INPP5D: variants seen among roughly 807,000 people sequenced by gnomAD.
The protein encoded by INPP5D is phosphatidylinositol 3,4,5-trisphosphate 5-phosphatase 1.
A neutral mutation model predicts 122.9 loss-of-function variants in INPP5D; 33 were observed. The observed-to-expected ratio is 0.27, with a 90% CI of 0.20 to 0.36. INPP5D has a LOEUF of 0.36. INPP5D is among the 10% of genes least tolerant of loss of function. The pLI, the probability that INPP5D is intolerant of heterozygous loss-of-function variation, is 1.00. For synonymous variants in INPP5D, 584 were observed against 576.2 expected, an observed-to-expected ratio of 1.01 and a Z score of -0.19; for missense variants, 1,053 against 1,412.7, an observed-to-expected ratio of 0.75 and a Z score of 4.08.
chr2:233,072,052 A>G (rs1301912092), intron 1 of INPP5D, among the ~76,000 whole-genome samples: 2 of 152,232 alleles, frequency 1.3e-5, no homozygotes, highest in African/African-American at 4.8e-5. Flanking sequence ...ACAGTGGGGA[A>G]TATTGGAAAA....
In INPP5D at chr2:233,198,305, G is replaced by T; in HGVS notation, c.2904G>T (p.Pro968=). Residue 968 remains proline (P), a synonymous_variant, in exon 25 of 27, where the codon CCG becomes CCT. Transcript: ENST00000445964. ...GESPPTPPGQ[P]PISPKKFLPS... is the part of the protein sequence containing the mutation. ...GTCCTCCGACACCTCCCGGCCAGCCGCCCATATCACCCAAGAAGTTTTTAC... is the reference window on the plus strand; with the variant it reads ...GTCCTCCGACACCTCCCGGCCAGCCTCCCATATCACCCAAGAAGTTTTTAC... The T allele has an allele frequency of 6.2e-7, 1 of 1,613,582 alleles. No individual in the cohort carries two copies. The highest frequency in any genetic ancestry group is 8.5e-7 in the Non-Finnish European group (1 of 1,179,890).
chr2:233,169,486 G>T (rs1559331575), intron 14 of INPP5D, 85 bp downstream of exon 14: 2 of 1,532,194 alleles, frequency 1.3e-6, no homozygotes, highest in Non-Finnish European at 1.8e-6. Flanking sequence ...AGAAGGACCT[G>T]CTCAGCTCCT....
At position 233,171,117 on chromosome 2, in the gene INPP5D, G is replaced by A; in HGVS notation, c.1954G>A (p.Asp652Asn). ...CTACCGTTTTGAGAGACTGACTCGGGACAAATACGCCTACACCAAGCAGAA... is the reference window on the plus strand; with the variant it reads ...CTACCGTTTTGAGAGACTGACTCGGAACAAATACGCCTACACCAAGCAGAA... ...PTYRFERLTR[D>N]KYAYTKQKAT... is the part of the protein sequence containing the mutation. The change falls in exon 17 of 27, where the codon GAC becomes AAC. Residue 652 changes from aspartate (D) to asparagine (N), a missense_variant. Transcript: ENST00000445964. 1 of 1,611,058 alleles carries A rather than the reference G, an allele frequency of 6.2e-7. No individual in the cohort carries two copies. Among genetic ancestry groups the A allele is most frequent in the Non-Finnish European group, 8.5e-7 (1 of 1,178,578 alleles).
In INPP5D at chr2:233,123,452, C is replaced by CAAAA. The variant is rs34144613; in HGVS notation, c.349+1209_349+1212dup. Among the ~76,000 whole-genome samples the CAAAA allele has an allele frequency of 9.3e-3, 1,097 of 117,726 alleles. 56 individuals carry two copies. The East Asian group carries it at 0.16, about 17-fold the overall frequency. The allele number at this position is 117,726 out of a possible 152,430, so 77.2% of individuals were successfully genotyped here. A position where few individuals can be genotyped will look rare whatever the true frequency, so the allele number is the denominator to read the frequency against. On this transcript the variant is annotated intron_variant, in intron 3 of 26. Coordinates refer to ENST00000445964, the MANE Select transcript of INPP5D (RefSeq NM_001017915.3). ...CTGGCAACAGAGGGAGACTCCGTCTCAAAAAAAAAAAAAAAAATTATACAG... is the reference window on the plus strand; with the variant it reads ...CTGGCAACAGAGGGAGACTCCGTCTCAAAAAAAAAAAAAAAAAAAAATTATACAG...
rs1393382018 is a variant in INPP5D, at chr2:233,128,068, G to T, written c.524+2149G>T. On this transcript the variant is annotated intron_variant, in intron 4 of 26. Transcript: ENST00000445964. This position sits in a 1 kb window ranked among gnomAD's most constrained non-coding sequence, Gnocchi z 4.5. The stretch of plus-strand genomic sequence containing the variant: ...TGGGTGGCAGCAGGAGGTGAGCGGA[G>T]GGCAAGCGAGCATTACCACCTGAGC... Among the ~76,000 whole-genome samples, 1 of 152,222 alleles carries T rather than the reference G, an allele frequency of 6.6e-6. No individual in the cohort carries two copies. The highest frequency in any genetic ancestry group is 2.4e-5 in the African/African-American group (1 of 41,454).
chr2:233,099,245 C>T (rs1692236446), intron 2 of INPP5D, among the ~76,000 whole-genome samples: 1 of 152,196 alleles, frequency 6.6e-6, no homozygotes, highest in African/African-American at 2.4e-5. Context: ...GCCACCGTGC[C>T]CAGCCGAGAC....
At chr2:233,112,735 G>A (rs376850562) in intron 2 of INPP5D, among the ~76,000 whole-genome samples, 2 of 152,180 alleles carry the variant, frequency 1.3e-5, no homozygotes, top group African/African-American at 2.4e-5. Flanking sequence ...GCAGTGGTAC[G>A]ATCTCAGCTC....
chr2:233,171,662 T>C (rs542572772), intron 17 of INPP5D, among the ~76,000 whole-genome samples: 1 of 152,352 alleles, frequency 6.6e-6, no homozygotes, highest in African/African-American at 2.4e-5. Context: ...AAAGATGCAA[T>C]AAAATATGTA....
intron 5 of INPP5D, among the ~76,000 whole-genome samples, chr2:233,137,982 ATTG>A (rs1693536525): frequency 7.1e-6 from 1 of 141,190 alleles, no homozygotes; most frequent in Non-Finnish European, 1.5e-5. Flanking sequence ...ATGAGATTAT[ATTG>A]TATTAATAAT....
rs1367771769 is a variant in INPP5D, at chr2:233,182,401, C to T, written c.2072-9C>T. 5.6e-6 allele frequency: 9 copies of T among 1,613,528 alleles called. No individual in the cohort carries two copies. Among genetic ancestry groups the T allele is most frequent in the East Asian group, 4.5e-5 (2 of 44,868 alleles). ...TTCCCTGCTTAAAAATGCCTTCCCT[C>T]CCCTGCAGGCAGTACCAGCGACATC... On this transcript the variant is annotated splice_polypyrimidine_tract_variant and intron_variant, in intron 18 of 26. Transcript: ENST00000445964.
In INPP5D at chr2:233,156,085, C is replaced by T. The variant is rs190368265; in HGVS notation, c.1031-2228C>T. 7.2e-5 allele frequency among the ~76,000 whole-genome samples: 11 copies of T among 152,348 alleles called. No individual in the cohort carries two copies. In the South Asian group the frequency reaches 8.3e-4, roughly 11 times the overall value. On this transcript the variant is annotated intron_variant, in intron 9 of 26. Coordinates refer to ENST00000445964, the MANE Select transcript of INPP5D (RefSeq NM_001017915.3). ...GATGAAGTCTGGAAGAAACCAGGCA[C>T]GAGCTTCTAAGAGTCTGAGCCTGAG...
At chr2:233,138,342 G>T (rs1198624386) in intron 5 of INPP5D, among the ~76,000 whole-genome samples, 2 of 144,960 alleles carry the variant, frequency 1.4e-5, no homozygotes, top group African/African-American at 2.5e-5. Flanking sequence ...AATATGTAAA[G>T]TTTATAACAC....
intron 18 of INPP5D, among the ~76,000 whole-genome samples, chr2:233,181,824 T>C (rs1694792092): frequency 6.6e-6 from 1 of 152,108 alleles, no homozygotes; most frequent in African/African-American, 2.4e-5. Context: ...GAGCCAGGCG[T>C]GGTGGCTCAC....
chr2:233,062,926 C>T (rs1025759951), intron 1 of INPP5D, among the ~76,000 whole-genome samples: 2 of 151,904 alleles, frequency 1.3e-5, no homozygotes, highest in Admixed American at 6.6e-5. Context: ...TGTCATCTTC[C>T]AACACCTCAT....
intron 1 of INPP5D, among the ~76,000 whole-genome samples, chr2:233,065,801 C>T (rs1355111151): frequency 6.6e-6 from 1 of 151,918 alleles, no homozygotes; most frequent in African/African-American, 2.4e-5. Flanking sequence ...TACCCACCAC[C>T]ATACCTGGCT....
chr2:233,175,155 T>C (rs1694586061), intron 17 of INPP5D, among the ~76,000 whole-genome samples: 1 of 125,750 alleles, frequency 8.0e-6, no homozygotes, highest in Non-Finnish European at 1.5e-5. Context: ...GAGGTGGAGA[T>C]GGTGGTGAGC....
rs997527418 is a variant in INPP5D, at chr2:233,078,836, C to T, written c.135-499C>T. ...TAGCTGGGACTACAGGTGTGCGCCA[C>T]CACGCCCAGCTAATTTTTGTATTTT... On this transcript the variant is annotated intron_variant, in intron 1 of 26. Transcript: ENST00000445964. The surrounding 1 kb of genome is among the most constrained non-coding windows in gnomAD (Gnocchi z 4.6). Among the ~76,000 whole-genome samples, 8 of 152,122 alleles carry T rather than the reference C, an allele frequency of 5.3e-5. No homozygotes were observed. The highest frequency in any genetic ancestry group is 1.9e-4 in the African/African-American group (8 of 41,422).
chr2:233,185,706 C>A, intron 20 of INPP5D, 137 bp from the exon 21 acceptor site: 3 of 1,049,922 alleles, frequency 2.9e-6, no homozygotes, highest in South Asian at 4.1e-5. Context: ...GATGCTGAGG[C>A]CCCGAGATAA....
At chr2:233,089,307 T>C (rs1015930804) in intron 2 of INPP5D, among the ~76,000 whole-genome samples, 2 of 152,234 alleles carry the variant, frequency 1.3e-5, no homozygotes, top group Non-Finnish European at 2.9e-5. Flanking sequence ...TCTTTAATCC[T>C]GGGGAAGGGT....
Sources: allele counts gnomAD v4.1 joint callset (sites outside exome capture counted in the v4.1 genomes callset), GRCh38; gene constraint gnomAD v4.1.1; non-coding constraint Gnocchi (gnomAD v3.1); transcripts MANE v1.5; gene names NCBI Gene and HGNC (gene_info 2026-07-23, HGNC 2026-07-21).